SPOCK3: variants seen among roughly 807,000 people sequenced by gnomAD.
SPOCK3 encodes SPARC (osteonectin), cwcv and kazal like domains proteoglycan 3.
In SPOCK3, 30 loss-of-function variants were observed where a neutral mutation model predicts 56.6. The observed-to-expected ratio is 0.53, with a 90% CI of 0.40 to 0.72. The LOEUF is 0.72. SPOCK3 is among the 30% of genes least tolerant of loss of function. The pLI, the probability that SPOCK3 is intolerant of heterozygous loss-of-function variation, is 0.00. For missense variants in SPOCK3, 527 were observed against 530.0 expected, an observed-to-expected ratio of 0.99 and a Z score of 0.06; for synonymous variants, 196 against 183.3, an observed-to-expected ratio of 1.07 and a Z score of -0.56.
Position 167,041,408 on chromosome 4 carries a change from G to A in SPOCK3, c.235+21084C>T, listed in dbSNP as rs148477659. ...ACTATTAAATTAACAGAGGCTACAT[G>A]ATATCTTGAAAACCACAAAACTAGT... On this transcript the variant is annotated intron_variant, in intron 3 of 10. Transcript: ENST00000357545. Among the ~76,000 whole-genome samples, 583 of 152,164 alleles carry A rather than the reference G, an allele frequency of 3.8e-3. 5 individuals are homozygous for A. Among genetic ancestry groups the A allele is most frequent in the African/African-American group, 0.013 (538 of 41,506 alleles).
chr4:166,973,863 T>C (rs929446381), intron 4 of SPOCK3, among the ~76,000 whole-genome samples: 1 of 152,160 alleles, frequency 6.6e-6, no homozygotes, highest in Non-Finnish European at 1.5e-5. Flanking sequence ...CCAAGAAACA[T>C]TATGATACAA....
chr4:167,126,154 C>T (rs1366327381), intron 2 of SPOCK3, among the ~76,000 whole-genome samples: 1 of 152,218 alleles, frequency 6.6e-6, no homozygotes, highest in African/African-American at 2.4e-5. Context: ...TCTGCCCAAA[C>T]TCTTAACTCC....
intron 1 of SPOCK3, 87 bp from the exon 2 acceptor site, chr4:167,234,260 C>T: frequency 7.4e-7 from 1 of 1,351,108 alleles, no homozygotes; most frequent in South Asian, 1.2e-5. Context: ...GGAAAACATG[C>T]ATTAGCAACG....
At chr4:166,831,132 T>C (rs1746000686) in intron 6 of SPOCK3, among the ~76,000 whole-genome samples, 1 of 152,144 alleles carries the variant, frequency 6.6e-6, no homozygotes, top group Admixed American at 6.5e-5. Context: ...ACTGAAAAAT[T>C]GGGGGAGAAA....
intron 4 of SPOCK3, among the ~76,000 whole-genome samples, chr4:166,933,720 G>A (rs1398932614): frequency 6.6e-6 from 1 of 152,118 alleles, no homozygotes; most frequent in Non-Finnish European, 1.5e-5. Flanking sequence ...CTGAGAGAAA[G>A]GGCATAATTT....
chr4:167,206,997 A>G (rs566322904), intron 2 of SPOCK3, among the ~76,000 whole-genome samples: 12 of 152,194 alleles, frequency 7.9e-5, no homozygotes, highest in African/African-American at 1.4e-4. Flanking sequence ...GAGATGATGG[A>G]TATGCTAATT....
At chr4:166,917,030 T>C (rs904706222) in intron 4 of SPOCK3, among the ~76,000 whole-genome samples, 2 of 152,010 alleles carry the variant, frequency 1.3e-5, no homozygotes, top group East Asian at 3.9e-4. Context: ...CTGTCTCAAG[T>C]AGCAAATGAA....
chr4:166,783,177 G>A (rs1398159895), intron 7 of SPOCK3, among the ~76,000 whole-genome samples: 1 of 152,084 alleles, frequency 6.6e-6, no homozygotes, highest in Non-Finnish European at 1.5e-5. Flanking sequence ...TGGCCAACAT[G>A]GCAAAACCCT....
chr4:166,906,640 AT>A (rs1256206513), intron 5 of SPOCK3, among the ~76,000 whole-genome samples: 1 of 151,930 alleles, frequency 6.6e-6, no homozygotes, highest in African/African-American at 2.4e-5. Context: ...ATATAGGCTT[AT>A]TTATCATGCA....
intron 2 of SPOCK3, among the ~76,000 whole-genome samples, chr4:167,197,004 T>G (rs569218285): frequency 6.6e-6 from 1 of 152,212 alleles, no homozygotes. Flanking sequence ...TTATCAAGGT[T>G]TATTGTTGAG....
intron 2 of SPOCK3, among the ~76,000 whole-genome samples, chr4:167,220,378 C>CTTTT (rs61002914): frequency 7.7e-6 from 1 of 130,050 alleles, no homozygotes; most frequent in Non-Finnish European, 1.6e-5. Flanking sequence ...ACTGTAAGAA[C>CTTTT]TTTTTTTTTT....
intron 2 of SPOCK3, among the ~76,000 whole-genome samples, chr4:167,204,044 T>G (rs1034554557): frequency 1.2e-4 from 19 of 152,076 alleles, no homozygotes; most frequent in African/African-American, 4.6e-4. Flanking sequence ...AGATTTGGCT[T>G]CCTGATCCCT....
chr4:167,015,721 C>T (rs1335450726), intron 3 of SPOCK3, among the ~76,000 whole-genome samples: 1 of 152,060 alleles, frequency 6.6e-6, no homozygotes, highest in Non-Finnish European at 1.5e-5. Context: ...TCTACTTAGG[C>T]GTGATTAGAT....
At chr4:167,126,851 G>A (rs530608683) in intron 2 of SPOCK3, among the ~76,000 whole-genome samples, 1 of 151,946 alleles carries the variant, frequency 6.6e-6, no homozygotes, top group African/African-American at 2.4e-5. Context: ...TCAGCCTCTG[G>A]TTCCTCTTCC....
At chr4:167,117,993 A>G (rs1447602842) in intron 2 of SPOCK3, among the ~76,000 whole-genome samples, 1 of 152,126 alleles carries the variant, frequency 6.6e-6, no homozygotes, top group Non-Finnish European at 1.5e-5. Context: ...AGTTTCTACT[A>G]ATCTTTTACA....
chr4:166,924,456 C>T (rs1195670507), intron 4 of SPOCK3, among the ~76,000 whole-genome samples: 1 of 152,166 alleles, frequency 6.6e-6, no homozygotes, highest in African/African-American at 2.4e-5. Context: ...TGTCACATGA[C>T]TTTTTAGAAT....
At chr4:167,034,768 C>T (rs563942428) in intron 3 of SPOCK3, among the ~76,000 whole-genome samples, 18 of 152,200 alleles carry the variant, frequency 1.2e-4, no homozygotes, top group Admixed American at 2.0e-4. Flanking sequence ...ATGTTAAATT[C>T]ATTTGAAAGG....
At chr4:167,185,637 G>A (rs560356784) in intron 2 of SPOCK3, among the ~76,000 whole-genome samples, 28 of 152,152 alleles carry the variant, frequency 1.8e-4, no homozygotes, top group Non-Finnish European at 3.7e-4. Context: ...AAATACAGTC[G>A]TCGGTGAAGT....
intron 4 of SPOCK3, among the ~76,000 whole-genome samples, chr4:166,967,900 T>C (rs1744922975): frequency 6.6e-6 from 1 of 152,294 alleles, no homozygotes. Flanking sequence ...ACCAAAATGC[T>C]GATAGTGATG....
Sources: allele counts gnomAD v4.1 joint callset (sites outside exome capture counted in the v4.1 genomes callset), GRCh38; gene constraint gnomAD v4.1.1; transcripts MANE v1.5; gene names NCBI Gene and HGNC (gene_info 2026-07-23, HGNC 2026-07-21).